The following LRRC71 variants were observed in gnomAD, a reference collection of about 807,000 sequenced individuals.
LRRC71 encodes leucine-rich repeat-containing protein 71.
LRRC71 carries 54 observed loss-of-function variants against 66.6 expected under a neutral mutation model. The observed-to-expected ratio is 0.81, with a 90% CI of 0.65 to 1.02. The LOEUF is 1.02. Among genes scored for constraint, LRRC71 ranks in the 50% least tolerant of loss-of-function variants. The probability of loss-of-function intolerance (pLI) is 0.00; values close to 1 mark genes in which losing one functional copy is unlikely to be tolerated. For synonymous variants in LRRC71, 323 were observed against 303.9 expected, an observed-to-expected ratio of 1.06 and a Z score of -0.65; for missense variants, 724 against 718.0, an observed-to-expected ratio of 1.01 and a Z score of -0.10.
chr1:156,928,519 T>A (rs1653758547), intron 9 of LRRC71, among the ~76,000 whole-genome samples: 1 of 143,442 alleles, frequency 7.0e-6, no homozygotes, highest in Non-Finnish European at 1.5e-5. Flanking sequence ...CTCCTCTTCC[T>A]CTTCCTCTTC....
downstream of LRRC71, chr1:156,937,473 G>A (rs1427511392): frequency 1.3e-6 from 2 of 1,531,138 alleles, no homozygotes; most frequent in Admixed American, 2.2e-5. Flanking sequence ...GGTCCTGATG[G>A]CATGCTGACA....
At chr1:156,922,428 G>A (rs1371614859) in intron 1 of LRRC71, among the ~76,000 whole-genome samples, 1 of 152,186 alleles carries the variant, frequency 6.6e-6, no homozygotes, top group African/African-American at 2.4e-5. Flanking sequence ...GGCAGGGGCA[G>A]ATGTGGGCTC....
At chr1:156,928,138 C>A in intron 9 of LRRC71, 134 bp downstream of exon 9, 1 of 884,666 alleles carries the variant, frequency 1.1e-6, no homozygotes, top group Non-Finnish European at 1.7e-6. Flanking sequence ...TCTTTCCCTC[C>A]GATTTCTGCA....
Position 156,920,938 on chromosome 1 carries a change from G to T in LRRC71, c.135G>T (p.Val45=), listed in dbSNP as rs1198330430. 3 of 1,534,864 alleles carry T rather than the reference G, an allele frequency of 2.0e-6. No individual in the cohort carries two copies. Among genetic ancestry groups the T allele is most frequent in the South Asian group, 2.5e-5 (2 of 81,394 alleles). The change falls in exon 1 of 15, where the codon GTG becomes GTT. Residue 45 remains valine, a synonymous_variant. Transcript: ENST00000337428. The surrounding 1 kb of genome is among the most constrained non-coding windows in gnomAD (Gnocchi z 4.9). ...KEKPATVLPP[V]GEEEPKSPEE... ...AGCCAGCGACCGTTCTGCCTCCCGT[G>T]GGGGAGGAGGAGCCCAAAAGCCCTG...
intron 14 of LRRC71, 37 bp downstream of exon 14, chr1:156,932,582 T>G (rs201912910): frequency 2.5e-6 from 4 of 1,613,996 alleles, no homozygotes; most frequent in Non-Finnish European, 3.4e-6. Flanking sequence ...GAAGCAGACG[T>G]TGCCCCTATC....
chr1:156,937,063 G>A, downstream of LRRC71: 2 of 1,590,220 alleles, frequency 1.3e-6, no homozygotes, highest in Admixed American at 1.7e-5. Context: ...AGGCCCCTGG[G>A]GAAGGGGTCT....
chr1:156,935,861 G>T, downstream of LRRC71: 1 of 968,916 alleles, frequency 1.0e-6, no homozygotes. Flanking sequence ...GTCTCCCCCC[G>T]GGCCTTGGCT....
Position 156,927,290 on chromosome 1 carries a change from C to A in LRRC71, c.662+20C>A. 1 of 1,609,890 alleles carries A rather than the reference C, an allele frequency of 6.2e-7. No homozygotes were observed. The highest frequency in any genetic ancestry group is 1.1e-5 in the South Asian group (1 of 90,832). On this transcript the variant is annotated intron_variant, in intron 6 of 14. Transcript: ENST00000337428. ...CAGCACGTGAGACTCCCTGCCCTCA[C>A]CCCCTTTCTCTGGGCCTGTCTCGAA...
downstream of LRRC71, chr1:156,937,624 G>C: frequency 9.9e-7 from 1 of 1,010,522 alleles, no homozygotes; most frequent in Non-Finnish European, 1.4e-6. Context: ...CAAACTCAGA[G>C]AACGTGGGCC....
chr1:156,936,333 T>G, downstream of LRRC71: 3 of 597,802 alleles, frequency 5.0e-6, no homozygotes, highest in Non-Finnish European at 9.7e-6. Flanking sequence ...CTGAATCATT[T>G]AATCAGCACG....
chr1:156,939,718 C>G, the LRRC71 span: 1 of 1,614,106 alleles, frequency 6.2e-7, no homozygotes, highest in Non-Finnish European at 8.5e-7. Context: ...CCCCTCCAGC[C>G]CTGCAAGCTG....
chr1:156,937,166 G>A (rs1320717222), downstream of LRRC71: 17 of 1,593,768 alleles, frequency 1.1e-5, no homozygotes, highest in East Asian at 6.7e-5. Context: ...GGGCTCCCGC[G>A]AAGACACACA....
At chr1:156,936,488 AAAAAAAAAAATATATATAT>A (rs1309585609), downstream of LRRC71, among the ~76,000 whole-genome samples, 2 of 93,576 alleles carry the variant, frequency 2.1e-5, no homozygotes, top group African/African-American at 9.3e-5. Context: ...TAGAAAAAAA[AAAAAAAAAAATATATATAT>A]ATATATATAT....
At chr1:156,935,426 C>A (rs924938329), downstream of LRRC71, 3 of 152,286 alleles carry the variant, frequency 2.0e-5, no homozygotes, top group African/African-American at 4.8e-5. Flanking sequence ...ACAAGTGAAA[C>A]CCCTCTTCCC....
At chr1:156,931,809 G>C in intron 12 of LRRC71, 107 bp from the exon 13 acceptor site, 1 of 871,956 alleles carries the variant, frequency 1.1e-6, no homozygotes, top group African/African-American at 1.7e-5. Context: ...GACAAAGCCT[G>C]GACTATAGCC....
In LRRC71 at chr1:156,931,909, T is replaced by A; in HGVS notation, c.1330-7T>A. ...TGTCTGCTGCAATTAGTATTCTGCT[T>A]TAGCAGCTGGTTGTTGAGGCTACTG... On this transcript the variant is annotated splice_region_variant and splice_polypyrimidine_tract_variant and intron_variant, in intron 12 of 14. Coordinates refer to ENST00000337428, the MANE Select transcript of LRRC71 (RefSeq NM_144702.3). 6.4e-7 allele frequency: 1 copy of A among 1,571,360 alleles called. No homozygotes were observed. Among genetic ancestry groups the A allele is most frequent in the African/African-American group, 1.3e-5 (1 of 74,200 alleles).
intron 1 of LRRC71, chr1:156,921,536 G>T (rs113028482): frequency 4.2e-6 from 3 of 708,788 alleles, no homozygotes; most frequent in African/African-American, 3.9e-5. Context: ...CTCTGGAATC[G>T]AAGTAAAACA....
rs1653610434 is a variant in LRRC71 at position 156,928,366 on chromosome 1, T to TTCTTCC, written c.996+367_996+368insCTCTTC. ...TTCTTTCTTTCTCTTCTTCTTCCTC[T>TTCTTCC]TCTTCTTCTTCTTCTTCTTCTTCTT... On this transcript the variant is annotated intron_variant, in intron 9 of 14. Transcript: ENST00000337428. 8.5e-5 allele frequency among the ~76,000 whole-genome samples: 6 copies of TTCTTCC among 70,982 alleles called. No homozygotes were observed. In the South Asian group the frequency reaches 3.0e-3, roughly 35 times the overall value. 46.6% of individuals were successfully genotyped at this position (70,982 alleles called of 152,430 possible). A position where few individuals can be genotyped will look rare whatever the true frequency, so the allele number is the denominator to read the frequency against.
At chr1:156,927,693 G>A in intron 7 of LRRC71, 38 bp downstream of exon 7, 1 of 1,605,464 alleles carries the variant, frequency 6.2e-7, no homozygotes, top group Non-Finnish European at 8.5e-7. Flanking sequence ...TGGGAGCAGG[G>A]GCGGCTTGGG....
Sources: gnomAD v4.1 joint callset for allele counts (sites outside exome capture counted in the v4.1 genomes callset) on GRCh38, gnomAD v4.1.1 for gene constraint, Gnocchi (gnomAD v3.1) non-coding constraint, MANE v1.5 for transcripts, NCBI Gene and HGNC (gene_info 2026-07-23, HGNC 2026-07-21) for gene names.